Variants in DACH2 observed in about 807,000 individuals in gnomAD.
DACH2 encodes the protein dachshund family transcription factor 2.
DACH2 carries 17 observed loss-of-function variants against 35.8 expected under a neutral mutation model. The ratio of observed to expected loss-of-function variants is 0.48; its 90% CI spans 0.33 to 0.71. DACH2 has a LOEUF of 0.71. DACH2 is among the 30% of genes least tolerant of loss of function. The pLI is 0.02. For missense variants in DACH2, 469 were observed against 472.7 expected (o/e 0.99, Z 0.07); for synonymous variants, 195 against 177.3 (o/e 1.10, Z -0.79).
At chrX:86,409,217 T>C (rs2036571962) in intron 2 of DACH2, among the ~76,000 whole-genome samples, 1 of 111,336 alleles carries the variant, frequency 9.0e-6, no homozygotes, top group Non-Finnish European at 1.9e-5. Context: ...TCAACATTCT[T>C]TTCAGGTTGC....
At chrX:86,497,386 G>A (rs1201146774) in intron 2 of DACH2, among the ~76,000 whole-genome samples, 1 of 112,033 alleles carries the variant, frequency 8.9e-6, no homozygotes. Flanking sequence ...GTCTGGGAAG[G>A]AGCTGGAGAA....
intron 7 of DACH2, among the ~76,000 whole-genome samples, chrX:86,743,341 A>G (rs1306553414): frequency 9.0e-6 from 1 of 111,275 alleles, no homozygotes; most frequent in African/African-American, 3.3e-5. Context: ...TTTTAAAGTG[A>G]TGCTCTCCTA....
At chrX:86,801,300 A>G (rs1204842412) in intron 7 of DACH2, among the ~76,000 whole-genome samples, 1 of 109,806 alleles carries the variant, frequency 9.1e-6, no homozygotes, top group Non-Finnish European at 1.9e-5. Context: ...GCATGATCAT[A>G]GTGCATTGCA....
At chrX:86,774,092 T>TA (rs1389769418) in intron 7 of DACH2, among the ~76,000 whole-genome samples, 4 of 111,532 alleles carry the variant, frequency 3.6e-5, no homozygotes, top group African/African-American at 1.3e-4. Flanking sequence ...AATCAAAAAT[T>TA]TAAAAAAAAC....
intron 1 of DACH2, among the ~76,000 whole-genome samples, chrX:86,286,115 GTTTTTTTTT>G (rs753864299): frequency 4.4e-5 from 2 of 45,760 alleles, no homozygotes; most frequent in Non-Finnish European, 6.9e-5. Flanking sequence ...CAGCCAGTCT[GTTTTTTTTT>G]TTTTTTTTTT....
Position 86,180,914 on chromosome X carries a change from G to T in DACH2, c.488+31806G>T, listed in dbSNP as rs763832269. Among the ~76,000 whole-genome samples, 76 of 111,101 alleles carry T rather than the reference G, an allele frequency of 6.8e-4. No individual in the cohort carries two copies. The South Asian group carries it at 9.5e-3, about 14-fold the overall frequency. On this transcript the variant is annotated intron_variant, in intron 1 of 11. Transcript: ENST00000373125. ...ATAGTTTTTTATAGATTTCTACAGT[G>T]AAGACAACATTGCCTCCATGGTTGC...
At chrX:86,479,722 T>C (rs996756285) in intron 2 of DACH2, among the ~76,000 whole-genome samples, 2 of 112,183 alleles carry the variant, frequency 1.8e-5, no homozygotes, top group African/African-American at 6.5e-5. Flanking sequence ...TCAAGCTCAC[T>C]ATTTCTTTCT....
intron 3 of DACH2, among the ~76,000 whole-genome samples, chrX:86,591,832 G>A (rs955665944): frequency 6.3e-5 from 7 of 110,616 alleles, no homozygotes; most frequent in East Asian, 5.7e-4. Flanking sequence ...CACCGCTCCC[G>A]GCTTCTTTGG....
intron 2 of DACH2, among the ~76,000 whole-genome samples, chrX:86,443,599 A>C (rs1473769134): frequency 9.1e-6 from 1 of 110,236 alleles, no homozygotes; most frequent in African/African-American, 3.3e-5. Flanking sequence ...CAAGTCTTAT[A>C]GGGAAAGCCT....
At chrX:86,443,316 C>A (rs772116573) in intron 2 of DACH2, among the ~76,000 whole-genome samples, 1 of 110,623 alleles carries the variant, frequency 9.0e-6, no homozygotes, top group Non-Finnish European at 1.9e-5. Context: ...ATTTTTTGTA[C>A]CTATTGATAT....
chrX:86,657,899 G>T (rs747393817), intron 4 of DACH2, among the ~76,000 whole-genome samples: 1 of 111,248 alleles, frequency 9.0e-6, no homozygotes, highest in South Asian at 3.7e-4. Flanking sequence ...TTTTAAAAAG[G>T]ATCATATTTT....
intron 1 of DACH2, among the ~76,000 whole-genome samples, chrX:86,262,661 A>G (rs189334006): frequency 2.5e-3 from 279 of 110,709 alleles, no homozygotes; most frequent in African/African-American, 8.8e-3. Context: ...AATGCCATTC[A>G]TTGTATACCG....
At chrX:86,608,892 G>A (rs754339969) in intron 3 of DACH2, among the ~76,000 whole-genome samples, 3 of 111,565 alleles carry the variant, frequency 2.7e-5, no homozygotes, top group African/African-American at 9.8e-5. Context: ...CTGCTTTTAG[G>A]ATCCTTTCTT....
chrX:86,746,017 G>T (rs2041708614), intron 7 of DACH2, among the ~76,000 whole-genome samples: 1 of 111,456 alleles, frequency 9.0e-6, no homozygotes, highest in Non-Finnish European at 1.9e-5. Flanking sequence ...CATGCTGCTG[G>T]CTATATGTAT....
At chrX:86,663,757 G>A (rs747232550) in intron 4 of DACH2, among the ~76,000 whole-genome samples, 4 of 111,681 alleles carry the variant, frequency 3.6e-5, no homozygotes, top group East Asian at 2.8e-4. Context: ...TGTGGAATTT[G>A]ACACCATGTC....
At chrX:86,504,515 T>TA (rs2038296204) in intron 2 of DACH2, among the ~76,000 whole-genome samples, 1 of 106,999 alleles carries the variant, frequency 9.3e-6, no homozygotes, top group Non-Finnish European at 1.9e-5. Flanking sequence ...TTTATTTATT[T>TA]TAAAATTTCC....
chrX:86,797,900 C>T (rs1385690085), intron 7 of DACH2, among the ~76,000 whole-genome samples: 1 of 111,596 alleles, frequency 9.0e-6, no homozygotes, highest in African/African-American at 3.3e-5. Context: ...TAATGCGTTC[C>T]ACACTTAACT....
At chrX:86,380,235 C>T (rs1179418102) in intron 2 of DACH2, among the ~76,000 whole-genome samples, 2 of 110,224 alleles carry the variant, frequency 1.8e-5, no homozygotes, top group African/African-American at 3.3e-5. Flanking sequence ...CGTTGTCTTA[C>T]AGTTGGTGAT....
intron 4 of DACH2, among the ~76,000 whole-genome samples, chrX:86,658,953 C>T (rs1217257421): frequency 9.0e-6 from 1 of 111,358 alleles, no homozygotes; most frequent in East Asian, 2.8e-4. Context: ...GTTTTGCTTC[C>T]ATGGAGCAGA....
Sources: gnomAD v4.1 joint callset for allele counts (sites outside exome capture counted in the v4.1 genomes callset) on GRCh38, gnomAD v4.1.1 for gene constraint, MANE v1.5 for transcripts, NCBI Gene and HGNC (gene_info 2026-07-23, HGNC 2026-07-21) for gene names.